Variants in CREG1 observed in about 807,000 individuals in gnomAD.
The protein encoded by CREG1 is protein CREG1.
Under a neutral mutation model 19.9 loss-of-function variants are expected in CREG1, and 20 were observed. The ratio of observed to expected loss-of-function variants is 1.01; its 90% CI spans 0.71 to 1.46. CREG1 has a LOEUF of 1.46. CREG1 is among the 40% of genes most tolerant of loss of function. CREG1 has a pLI of 0.00. For missense variants in CREG1, 290 were observed against 314.9 expected, an observed-to-expected ratio of 0.92 and a Z score of 0.60; for synonymous variants, 141 against 143.3, an observed-to-expected ratio of 0.98 and a Z score of 0.12.
intron 1 of CREG1, among the ~76,000 whole-genome samples, chr1:167,552,651 G>A (rs1220350475): frequency 6.6e-6 from 1 of 152,236 alleles, no homozygotes; most frequent in African/African-American, 2.4e-5. Flanking sequence ...CTGCAGGAGG[G>A]AAAAGCTTAA....
chr1:167,546,044 A>C, intron 3 of CREG1, 57 bp downstream of exon 3: 1 of 1,473,044 alleles, frequency 6.8e-7, no homozygotes, highest in Non-Finnish European at 9.1e-7. Flanking sequence ...TTGCCTTAGA[A>C]GGCTGAGGAT....
chr1:167,548,149 A>T (rs1442162503), intron 1 of CREG1, 28 bp from the exon 2 acceptor site: 1 of 1,570,330 alleles, frequency 6.4e-7, no homozygotes, highest in South Asian at 1.1e-5. Flanking sequence ...AGATCCTCTC[A>T]TGTGAAATAT....
intron 1 of CREG1, among the ~76,000 whole-genome samples, chr1:167,551,198 T>C (rs1174623946): frequency 6.6e-6 from 1 of 152,202 alleles, no homozygotes; most frequent in African/African-American, 2.4e-5. Flanking sequence ...AACATATCTC[T>C]AAGTTACAGA....
chr1:167,551,879 G>T (rs561614499), intron 1 of CREG1, among the ~76,000 whole-genome samples: 2 of 152,354 alleles, frequency 1.3e-5, no homozygotes, highest in East Asian at 3.8e-4. Flanking sequence ...GAACTGGGGT[G>T]TATCTGCCTT....
chr1:167,549,436 G>A (rs888064294), intron 1 of CREG1, among the ~76,000 whole-genome samples: 1 of 150,628 alleles, frequency 6.6e-6, no homozygotes, highest in Non-Finnish European at 1.5e-5. Context: ...CCAGGCTGGA[G>A]TGCAGTGGTG....
chr1:167,544,260 C>T lies in CREG1; in HGVS notation c.659+1841G>A, dbSNP rs148447282. On this transcript the variant is annotated intron_variant, in intron 3 of 3. Coordinates refer to ENST00000370509, the MANE Select transcript of CREG1 (RefSeq NM_003851.3). Reference sequence around the variant, plus strand: ...TGTTTGTCTCAAGTAATGAGCCAGACAATCATTCCTAAACACCTGCTCTAT... The same window carrying T: ...TGTTTGTCTCAAGTAATGAGCCAGATAATCATTCCTAAACACCTGCTCTAT... Among the ~76,000 whole-genome samples, 143 of 152,158 alleles carry T rather than the reference C, an allele frequency of 9.4e-4. No individual in the cohort carries two copies. In the Middle Eastern group the frequency reaches 0.01, roughly 11 times the overall value.
intron 3 of CREG1, among the ~76,000 whole-genome samples, chr1:167,544,516 C>T (rs1431748163): frequency 1.3e-5 from 2 of 151,978 alleles, no homozygotes; most frequent in Admixed American, 6.6e-5. Flanking sequence ...TCAATCATTA[C>T]AAGCAGAAAG....
chr1:167,546,449 T>C (rs1194746819), intron 2 of CREG1, among the ~76,000 whole-genome samples, 164 bp from the exon 3 acceptor site: 3 of 152,198 alleles, frequency 2.0e-5, no homozygotes, highest in East Asian at 3.9e-4. Flanking sequence ...TCAGACCATC[T>C]TGGCTAACAC....
chr1:167,547,553 A>T (rs1467203132), intron 2 of CREG1, among the ~76,000 whole-genome samples: 2 of 152,182 alleles, frequency 1.3e-5, no homozygotes, highest in Non-Finnish European at 2.9e-5. Flanking sequence ...TTTTCATGGA[A>T]TTACTTCACC....
At chr1:167,552,676 G>A (rs1320394746) in intron 1 of CREG1, among the ~76,000 whole-genome samples, 1 of 152,218 alleles carries the variant, frequency 6.6e-6, no homozygotes, top group African/African-American at 2.4e-5. Flanking sequence ...GGAAGGGTAA[G>A]AGAGTGAGAA....
In CREG1 at chr1:167,553,445, G is replaced by A. The variant is rs1656458394; in HGVS notation, c.297C>T (p.Gly99=). 1 of 1,480,238 alleles carries A rather than the reference G, an allele frequency of 6.8e-7. No individual in the cohort carries two copies. The highest frequency in any genetic ancestry group is 2.9e-5 in the East Asian group (1 of 34,154). The allele number at this position is 1,480,238 out of a possible 1,614,324, so 91.7% of individuals were successfully genotyped here. A position where few individuals can be genotyped will look rare whatever the true frequency, so the allele number is the denominator to read the frequency against. ...LSLSDGPPGA[G]SGVPYFYLSP... is the part of the protein sequence containing the mutation. ...TCAGGTAGAAATAGGGCACGCCGCT[G>A]CCCGCGCCCGGGGGCCCGTCGCTGA... The change falls in exon 1 of 4, where the codon GGC becomes GGT. Residue 99 remains glycine (G), a synonymous_variant. Coordinates refer to ENST00000370509, the MANE Select transcript of CREG1 (RefSeq NM_003851.3).
intron 1 of CREG1, among the ~76,000 whole-genome samples, chr1:167,550,179 G>A (rs1251081086): frequency 2.6e-5 from 4 of 152,032 alleles, no homozygotes; most frequent in Non-Finnish European, 4.4e-5. Flanking sequence ...TAGTAGAGGT[G>A]GGTTTCACCA....
At chr1:167,551,687 G>A (rs977196467) in intron 1 of CREG1, among the ~76,000 whole-genome samples, 14 of 152,196 alleles carry the variant, frequency 9.2e-5, no homozygotes, top group Admixed American at 2.6e-4. Context: ...GTGGGGAGGC[G>A]GGAAGGGGTG....
chr1:167,542,693 G>A (rs1656246626), intron 3 of CREG1, among the ~76,000 whole-genome samples: 1 of 152,194 alleles, frequency 6.6e-6, no homozygotes, highest in Admixed American at 6.5e-5. Context: ...TGAACATCAG[G>A]GCAGAAGAGC....
rs1235731594 is a variant in CREG1, at chr1:167,553,723, C to G, written c.19G>C (p.Gly7Arg). Reference sequence around the variant, plus strand: ...GCGGCGAGCAGTGCGCGCGCGGACCCGCGGGATAGCCCGGCCATGGCGGTG... The same window carrying G: ...GCGGCGAGCAGTGCGCGCGCGGACCGGCGGGATAGCCCGGCCATGGCGGTG... MAGLSR[G>R]SARALLAALL... is the part of the protein sequence containing the mutation. The change falls in exon 1 of 4, where the codon GGG becomes CGG. Residue 7 changes from glycine (G) to arginine (R), a missense_variant. Coordinates refer to ENST00000370509, the MANE Select transcript of CREG1 (RefSeq NM_003851.3). 3.1e-6 allele frequency: 4 copies of G among 1,290,010 alleles called. No individual in the cohort carries two copies. Among genetic ancestry groups the G allele is most frequent in the Non-Finnish European group, 3.9e-6 (4 of 1,023,302 alleles). The allele number at this position is 1,290,010 out of a possible 1,614,324, so 79.9% of individuals were successfully genotyped here. A position where few individuals can be genotyped will look rare whatever the true frequency, so the allele number is the denominator to read the frequency against.
At chr1:167,548,315 G>T (rs74119804) in intron 1 of CREG1, among the ~76,000 whole-genome samples, 194 bp from the exon 2 acceptor site, 2 of 152,140 alleles carry the variant, frequency 1.3e-5, no homozygotes, top group African/African-American at 4.8e-5. Context: ...AAGGGGGTGC[G>T]GGGGTTCATA....
At chr1:167,546,065 G>A (rs1656314309) in intron 3 of CREG1, 36 bp downstream of exon 3, 1 of 1,537,216 alleles carries the variant, frequency 6.5e-7, no homozygotes, top group African/African-American at 1.4e-5. Context: ...GGCTGTAAGG[G>A]CGGCAATCTT....
At chr1:167,552,731 T>C (rs1031008124) in intron 1 of CREG1, among the ~76,000 whole-genome samples, 7 of 152,188 alleles carry the variant, frequency 4.6e-5, no homozygotes, top group African/African-American at 1.4e-4. Context: ...TAACAATCTC[T>C]ATGCCCTGTA....
intron 2 of CREG1, among the ~76,000 whole-genome samples, chr1:167,546,493 T>A (rs1030105369): frequency 4.0e-5 from 6 of 151,230 alleles, no homozygotes; most frequent in Non-Finnish European, 7.4e-5. Flanking sequence ...AAAAAAAAAA[T>A]TAGCCAGATG....
Sources: gnomAD v4.1 joint callset for allele counts (sites outside exome capture counted in the v4.1 genomes callset) on GRCh38, gnomAD v4.1.1 for gene constraint, MANE v1.5 for transcripts, NCBI Gene and HGNC (gene_info 2026-07-23, HGNC 2026-07-21) for gene names.